Variants in COL28A1 observed in about 807,000 individuals in gnomAD.
COL28A1 encodes the protein collagen type XXVIII alpha 1 chain.
COL28A1 carries 161 observed loss-of-function variants against 150.2 expected under a neutral mutation model. That is an observed-to-expected ratio of 1.07 (90% CI 0.94 to 1.22). COL28A1 has a LOEUF of 1.22. Ranked by LOEUF, COL28A1 falls within the 50% of genes most tolerant of loss-of-function variation. The pLI is 0.00. For synonymous variants in COL28A1, 552 were observed against 469.7 expected, an observed-to-expected ratio of 1.18 and a Z score of -2.26; for missense variants, 1,617 against 1,388.3, an observed-to-expected ratio of 1.16 and a Z score of -2.62.
At chr7:7,385,075 G>A (rs570686119) in intron 27 of COL28A1, among the ~76,000 whole-genome samples, 38 of 152,318 alleles carry the variant, frequency 2.5e-4, no homozygotes, top group Non-Finnish European at 4.4e-4. Context: ...CAGGACTGCA[G>A]GCAGCTACCT....
At chr7:7,436,525 GC>G in intron 22 of COL28A1, 62 bp from the exon 23 acceptor site, 1 of 887,526 alleles carries the variant, frequency 1.1e-6, no homozygotes, top group Non-Finnish European at 1.9e-6. Context: ...AGCACACATA[GC>G]AAAAAAAACC....
rs773866715 is a variant in COL28A1 at position 7,517,913 on chromosome 7, G to A, written c.814-76C>T. 132 of 1,560,238 alleles carry A rather than the reference G, an allele frequency of 8.5e-5. 1 individual carries two copies. The highest frequency in any genetic ancestry group is 1.1e-4 in the Non-Finnish European group (121 of 1,141,650). On this transcript the variant is annotated intron_variant, in intron 6 of 34. Transcript: ENST00000399429. ...ATTGCTCAATAAAATGCATTATACA[G>A]AAGATTAATAGCTTAGCCCAATTAG... is the stretch of plus-strand genomic sequence containing the variant.
At chr7:7,355,521 G>A (rs747992864), downstream of COL28A1, among the ~76,000 whole-genome samples, 6 of 152,012 alleles carry the variant, frequency 3.9e-5, no homozygotes, top group Non-Finnish European at 5.9e-5. Context: ...GAGGTGAGAG[G>A]ATCACTTGAG....
At chr7:7,463,368 G>T (rs1027247913) in intron 15 of COL28A1, among the ~76,000 whole-genome samples, 1 of 152,116 alleles carries the variant, frequency 6.6e-6, no homozygotes, top group African/African-American at 2.4e-5. Flanking sequence ...TTTATAAAGA[G>T]TATCTACAAA....
intron 20 of COL28A1, 23 bp downstream of exon 20, chr7:7,443,562 C>T (rs1210981810): frequency 1.2e-6 from 2 of 1,613,696 alleles, no homozygotes; most frequent in South Asian, 2.2e-5. Context: ...AGGCTGCTTC[C>T]ACCAACACTG....
At chr7:7,366,475 T>C (rs1391291107) in intron 33 of COL28A1, among the ~76,000 whole-genome samples, 1 of 152,208 alleles carries the variant, frequency 6.6e-6, no homozygotes, top group Non-Finnish European at 1.5e-5. Context: ...TTTTGTTTTT[T>C]TCCTCTTCCA....
chr7:7,517,727 A>G (rs1166333146), intron 7 of COL28A1, 69 bp downstream of exon 7: 2 of 1,610,488 alleles, frequency 1.2e-6, no homozygotes, highest in Non-Finnish European at 1.7e-6. Flanking sequence ...AAGGGGGTCA[A>G]AATGGTCAAC....
Position 7,396,012 on chromosome 7 carries a change from G to C in COL28A1, c.2137-14400C>G, listed in dbSNP as rs141859368. Among the ~76,000 whole-genome samples, 110 of 152,302 alleles carry C rather than the reference G, an allele frequency of 7.2e-4. 3 individuals are homozygous for C. The East Asian group carries it at 0.017, about 23-fold the overall frequency. ...TACCTGAATAGTCAACAAGTATTTG[G>C]CCTGGAATCCACGAACTACCTTTGT... On this transcript the variant is annotated intron_variant, in intron 27 of 34. Transcript: ENST00000399429.
At chr7:7,439,375 C>G (rs532590725) in intron 21 of COL28A1, among the ~76,000 whole-genome samples, 2 of 152,284 alleles carry the variant, frequency 1.3e-5, no homozygotes, top group South Asian at 4.1e-4. Flanking sequence ...AAACCCCATC[C>G]AAGCCTTTGA....
chr7:7,366,949 G>C (rs1363494980), intron 33 of COL28A1, among the ~76,000 whole-genome samples: 2 of 152,214 alleles, frequency 1.3e-5, no homozygotes, highest in African/African-American at 4.8e-5. Context: ...TTGTATGTGT[G>C]TATGTATATA....
intron 33 of COL28A1, among the ~76,000 whole-genome samples, chr7:7,367,815 T>TA (rs34049695): frequency 0.67 from 96,177 of 142,690 alleles, 34,478 homozygotes; most frequent in East Asian, 0.83. Flanking sequence ...TATTTTCCTT[T>TA]AAAAAAAAAA....
At chr7:7,524,105 T>C (rs911842932) in intron 4 of COL28A1, 124 bp downstream of exon 4, 2 of 709,414 alleles carry the variant, frequency 2.8e-6, no homozygotes, top group Admixed American at 2.1e-5. Flanking sequence ...ATAGAGTGGC[T>C]CATTTTAAAA....
intron 30 of COL28A1, among the ~76,000 whole-genome samples, chr7:7,379,185 A>C (rs915781986): frequency 6.6e-6 from 1 of 152,190 alleles, no homozygotes; most frequent in Non-Finnish European, 1.5e-5. Context: ...GGGGGCCTCT[A>C]AAACACCCTG....
intron 30 of COL28A1, among the ~76,000 whole-genome samples, chr7:7,378,730 T>C (rs778676241): frequency 6.6e-6 from 1 of 152,176 alleles, no homozygotes; most frequent in South Asian, 2.1e-4. Flanking sequence ...TAGATGACTT[T>C]GGGCGTAATG....
At chr7:7,359,535 G>A (rs1562456542) in intron 34 of COL28A1, among the ~76,000 whole-genome samples, 1 of 152,094 alleles carries the variant, frequency 6.6e-6, no homozygotes, top group Non-Finnish European at 1.5e-5. Flanking sequence ...TTGGTACTCT[G>A]GAGTGCCTTG....
chr7:7,344,957 C>A, the COL28A1 span, among the ~76,000 whole-genome samples: 1 of 151,326 alleles, frequency 6.6e-6, no homozygotes, highest in Non-Finnish European at 1.5e-5. Flanking sequence ...TGCAGGTGCA[C>A]AACCAAAAGA....
At chr7:7,424,216 C>T (rs1784531624) in intron 25 of COL28A1, among the ~76,000 whole-genome samples, 1 of 152,148 alleles carries the variant, frequency 6.6e-6, no homozygotes, top group Non-Finnish European at 1.5e-5. Flanking sequence ...ATGTACCATA[C>T]TTTGATAGAT....
In COL28A1 at chr7:7,443,730, T is replaced by G. The variant is rs1162724041; in HGVS notation, c.1582-77A>C. 3 of 1,576,276 alleles carry G rather than the reference T, an allele frequency of 1.9e-6. No individual in the cohort carries two copies. In the African/African-American group the frequency reaches 4.1e-5, roughly 21 times the overall value. On this transcript the variant is annotated intron_variant, in intron 19 of 34. Transcript: ENST00000399429. ...ACGTATCATCCCACCTTGTCTCCTTTTATCATTAGTGGATTCAGCTGAGAC... is the reference window on the plus strand; with the variant it reads ...ACGTATCATCCCACCTTGTCTCCTTGTATCATTAGTGGATTCAGCTGAGAC...
chr7:7,530,696 G>C lies in COL28A1; in HGVS notation c.681+652C>G, dbSNP rs138194627. ...TATACACAGCTGAGCAACAAACAAA[G>C]AAAAGCTGACCAGACCTATCAAGTG... On this transcript the variant is annotated intron_variant, in intron 3 of 34. Coordinates refer to ENST00000399429, the MANE Select transcript of COL28A1 (RefSeq NM_001037763.3). 1.5e-4 allele frequency among the ~76,000 whole-genome samples: 23 copies of C among 151,970 alleles called. 1 individual carries two copies. The East Asian group carries it at 4.4e-3, about 29-fold the overall frequency.
Sources: allele counts gnomAD v4.1 joint callset (sites outside exome capture counted in the v4.1 genomes callset), GRCh38; gene constraint gnomAD v4.1.1; transcripts MANE v1.5; gene names NCBI Gene and HGNC (gene_info 2026-07-23, HGNC 2026-07-21).